The following RNF14 variants were observed in gnomAD, a reference collection of about 807,000 sequenced individuals.
RNF14 encodes the protein E3 ubiquitin-protein ligase RNF14.
A neutral mutation model predicts 52.6 loss-of-function variants in RNF14; 26 were observed. The ratio of observed to expected loss-of-function variants is 0.49; its 90% CI spans 0.36 to 0.69. The LOEUF is 0.69. Among genes scored for constraint, RNF14 ranks in the 30% least tolerant of loss-of-function variants. The pLI, the probability that RNF14 is intolerant of heterozygous loss-of-function variation, is 0.00. For synonymous variants in RNF14, 194 were observed against 202.0 expected (o/e 0.96, Z 0.34); for missense variants, 404 against 560.4 (o/e 0.72, Z 2.82).
upstream of RNF14, among the ~76,000 whole-genome samples, chr5:141,965,602 GGA>G (rs1753327898): frequency 6.6e-6 from 1 of 152,202 alleles, no homozygotes. Context: ...ACAGGCTCCT[GGA>G]GAGAGTCAGA....
chr5:141,968,607 C>G (rs1308328230), upstream of RNF14, among the ~76,000 whole-genome samples: 1 of 152,172 alleles, frequency 6.6e-6, no homozygotes, highest in African/African-American at 2.4e-5. Flanking sequence ...GTAGCTAAAT[C>G]ATAAGATTAC....
upstream of RNF14, chr5:141,955,205 C>G: frequency 6.2e-7 from 1 of 1,614,236 alleles, no homozygotes. The surrounding 1 kb of genome is among the most constrained non-coding windows in gnomAD (Gnocchi z 5.5). Context: ...GGGCTGCCTG[C>G]AACCTTCAGA....
At chr5:141,980,405 C>A in intron 6 of RNF14, 54 bp downstream of exon 6, 2 of 1,305,178 alleles carry the variant, frequency 1.5e-6, no homozygotes, top group Non-Finnish European at 2.2e-6. Context: ...CCTCACATTT[C>A]ACTCTACTAC....
chr5:141,978,844 C>G lies in RNF14; in HGVS notation c.834+14C>G. On this transcript the variant is annotated intron_variant, in intron 5 of 8. Coordinates refer to ENST00000394520, the MANE Select transcript of RNF14 (RefSeq NM_004290.5). ...ACTCCTGGTCAGGTAACTGTTTACC[C>G]TGCTGATGGTTGCCTCCTAATTCTC... 6.2e-7 allele frequency: 1 copy of G among 1,607,606 alleles called. No homozygotes were observed. The highest frequency in any genetic ancestry group is 8.5e-7 in the Non-Finnish European group (1 of 1,175,142).
intron 7 of RNF14, among the ~76,000 whole-genome samples, chr5:141,984,136 T>C (rs1031761237): frequency 6.6e-6 from 1 of 151,568 alleles, no homozygotes; most frequent in Admixed American, 6.6e-5. Flanking sequence ...GAGTCTCTCT[T>C]GCCCAGGCTG....
chr5:141,962,860 A>G (rs1310507922), upstream of RNF14, among the ~76,000 whole-genome samples: 3 of 152,156 alleles, frequency 2.0e-5, no homozygotes, highest in Non-Finnish European at 2.9e-5. Context: ...GAAGGGCACT[A>G]CTTCTGGTGT....
At chr5:141,970,298 C>G (rs1753630107) in intron 1 of RNF14, among the ~76,000 whole-genome samples, 1 of 152,052 alleles carries the variant, frequency 6.6e-6, no homozygotes, top group East Asian at 1.9e-4. Context: ...GTGCCACTGG[C>G]AGGCTTAATT....
the RNF14 span, chr5:141,951,438 T>G: frequency 7.6e-7 from 1 of 1,308,082 alleles, no homozygotes; most frequent in Non-Finnish European, 1.1e-6. Context: ...GCTGCAGTGA[T>G]GAGGGGCGGC....
At chr5:141,962,306 G>A (rs1221360638), upstream of RNF14, among the ~76,000 whole-genome samples, 2 of 152,228 alleles carry the variant, frequency 1.3e-5, no homozygotes. Context: ...AAATGAAAAA[G>A]CTTTATGTCT....
At chr5:141,961,924 C>G (rs565182924), upstream of RNF14, among the ~76,000 whole-genome samples, 20 of 152,314 alleles carry the variant, frequency 1.3e-4, no homozygotes, top group South Asian at 3.9e-3. Context: ...TTCCAGGGCT[C>G]TGGTCTTCCA....
At position 141,974,206 on chromosome 5, in the gene RNF14, T is replaced by G. The variant is rs148694881; in HGVS notation, c.154+464T>G. On this transcript the variant is annotated intron_variant, in intron 3 of 8. Transcript: ENST00000394520. ...AACTGCTGCTTTTGATACAGACATT[T>G]ACAGAAGACTTTGATGCACACTTTC... 1.5e-4 allele frequency among the ~76,000 whole-genome samples: 23 copies of G among 152,374 alleles called. No individual in the cohort carries two copies. In the East Asian group the frequency reaches 4.4e-3, roughly 29 times the overall value.
the RNF14 span, chr5:141,949,535 C>T: frequency 1.9e-6 from 3 of 1,614,216 alleles, no homozygotes; most frequent in East Asian, 6.7e-5. Flanking sequence ...CTGGGTCTGT[C>T]TGGCCTCCAG....
chr5:141,983,662 T>G, intron 7 of RNF14, 110 bp downstream of exon 7: 1 of 889,204 alleles, frequency 1.1e-6, no homozygotes, highest in Non-Finnish European at 1.7e-6. Context: ...ATGCTGGTAT[T>G]ATTACACCTT....
At chr5:141,951,685 T>A in the RNF14 span, 1 of 885,100 alleles carries the variant, frequency 1.1e-6, no homozygotes, top group Non-Finnish European at 1.9e-6. Context: ...TTTCTTTTTA[T>A]AGTCTTTCCT....
At chr5:141,957,047 T>C, upstream of RNF14, 1 of 1,614,222 alleles carries the variant, frequency 6.2e-7, no homozygotes. This position sits in a 1 kb window ranked among gnomAD's most constrained non-coding sequence, Gnocchi z 4.3. Flanking sequence ...TCAGGGTCTG[T>C]GGCGGTCAGT....
In RNF14 at chr5:141,988,559, C is replaced by CTT. The variant is rs1229189647; in HGVS notation, c.*770_*771dup. The CTT allele has an allele frequency of 6.6e-6, 1 of 152,268 alleles. No individual in the cohort carries two copies. The highest frequency in any genetic ancestry group is 1.9e-4 in the East Asian group (1 of 5,334). The allele number at this position is 152,268 out of a possible 1,614,324, so 9.4% of individuals were successfully genotyped here. On this transcript the variant is annotated 3_prime_UTR_variant, in exon 9 of 9. Transcript: ENST00000394520. The stretch of plus-strand genomic sequence containing the variant: ...GTGTTAGAACCTAGATTCAAAATGG[C>CTT]TTGTCTTTGCTACTTTTGTTCCACA...
Position 141,983,377 on chromosome 5 carries a change from T to C in RNF14, c.1064-3T>C. On this transcript the variant is annotated splice_polypyrimidine_tract_variant and splice_region_variant and intron_variant, in intron 6 of 8. Transcript: ENST00000394520. The stretch of plus-strand genomic sequence containing the variant: ...AAAGTTAATTTTCCATTTCACTTTG[T>C]AGAGAAATTAATGGACTTACGAAAT... 1 of 1,607,598 alleles carries C rather than the reference T, an allele frequency of 6.2e-7. No individual in the cohort carries two copies. Among genetic ancestry groups the C allele is most frequent in the Non-Finnish European group, 8.5e-7 (1 of 1,177,852 alleles).
chr5:141,967,847 C>T (rs562959536), upstream of RNF14, among the ~76,000 whole-genome samples: 2 of 152,328 alleles, frequency 1.3e-5, no homozygotes, highest in South Asian at 4.1e-4. Context: ...AGACATAATT[C>T]ACATGCAATA....
At chr5:141,951,616 C>G in the RNF14 span, 1 of 1,541,876 alleles carries the variant, frequency 6.5e-7, no homozygotes, top group Non-Finnish European at 9.0e-7. Context: ...AATCTGTTGA[C>G]TCCACACAAT....
Sources: allele counts gnomAD v4.1 joint callset (sites outside exome capture counted in the v4.1 genomes callset), GRCh38; gene constraint gnomAD v4.1.1; non-coding constraint Gnocchi (gnomAD v3.1); transcripts MANE v1.5; gene names NCBI Gene and HGNC (gene_info 2026-07-23, HGNC 2026-07-21).